The following SLC27A1 variants were observed in gnomAD, a reference collection of about 807,000 sequenced individuals.
SLC27A1 encodes the protein solute carrier family 27 member 1.
In SLC27A1, 61 loss-of-function variants were observed where a neutral mutation model predicts 62.2. That is an observed-to-expected ratio of 0.98 (90% CI 0.80 to 1.21). SLC27A1 has a LOEUF of 1.21. Ranked by LOEUF, SLC27A1 falls within the 50% of genes most tolerant of loss-of-function variation. The probability of loss-of-function intolerance (pLI) is 0.00; values close to 1 mark genes in which losing one functional copy is unlikely to be tolerated. For synonymous variants in SLC27A1, 435 were observed against 408.6 expected (o/e 1.06, Z -0.78); for missense variants, 903 against 932.1 (o/e 0.97, Z 0.41).
chr19:17,470,621 C>CT lies in SLC27A1; in HGVS notation c.81_82insT (p.Ala28CysfsTer150). 1.3e-6 allele frequency: 2 copies of CT among 1,571,494 alleles called. No individual in the cohort carries two copies. Among genetic ancestry groups the CT allele is most frequent in the Non-Finnish European group, 1.7e-6 (2 of 1,166,554 alleles). Reference sequence around the variant, plus strand: ...TGCTGGGGCTGCCGTGGACCTGGAGCGCGGCAGCGGCGCTCGGCGTGTACG... The same window carrying CT: ...TGCTGGGGCTGCCGTGGACCTGGAGCTGCGGCAGCGGCGCTCGGCGTGTACG... On this transcript the variant is annotated frameshift_variant, in exon 1 of 12. Transcript: ENST00000252595. LOFTEE classifies it high-confidence loss of function.
At chr19:17,500,914 T>G (rs1599674893) in intron 10 of SLC27A1, 38 bp downstream of exon 10, 1 of 1,557,404 alleles carries the variant, frequency 6.4e-7, no homozygotes, top group Non-Finnish European at 8.6e-7. Context: ...TGAGGCATGG[T>G]CCTGAGGGAG....
chr19:17,477,240 C>CTGTTTT (rs2075132259), intron 1 of SLC27A1, among the ~76,000 whole-genome samples: 1 of 43,816 alleles, frequency 2.3e-5, no homozygotes, highest in Non-Finnish European at 4.0e-5. Flanking sequence ...ATGAGCAGCG[C>CTGTTTT]TTTTTTTTTT....
intron 1 of SLC27A1, 89 bp downstream of exon 1, chr19:17,470,796 T>A (rs1480119122): frequency 5.4e-6 from 5 of 919,184 alleles, no homozygotes; most frequent in African/African-American, 5.7e-5. Context: ...GGGGACGGCT[T>A]GGAGGGTCCG....
Position 17,486,947 on chromosome 19 carries a change from A to G in SLC27A1, c.552A>G (p.Glu184=), listed in dbSNP as rs774223245. Reference sequence around the variant, plus strand: ...CTAAGGCCCTGATCTTTGGAGGAGAAATGGTGGCGGGTGAGGCCAGGCGTG... The same window carrying G: ...CTAAGGCCCTGATCTTTGGAGGAGAGATGGTGGCGGGTGAGGCCAGGCGTG... ...SGAKALIFGG[E]MVAAVAEVSG... The change falls in exon 2 of 12, where the codon GAA becomes GAG. Residue 184 remains glutamate (E), a synonymous_variant. Coordinates refer to ENST00000252595, the MANE Select transcript of SLC27A1 (RefSeq NM_198580.3). This position sits in a 1 kb window ranked among gnomAD's most constrained non-coding sequence, Gnocchi z 6.6. 1 of 1,577,710 alleles carries G rather than the reference A, an allele frequency of 6.3e-7. No homozygotes were observed. The highest frequency in any genetic ancestry group is 1.1e-5 in the South Asian group (1 of 87,796).
In SLC27A1 at chr19:17,501,129, ATGTG is replaced by A. The variant is rs2075407840; in HGVS notation, c.1637-141_1637-138del. On this transcript the variant is annotated intron_variant, in intron 10 of 11. Coordinates refer to ENST00000252595, the MANE Select transcript of SLC27A1 (RefSeq NM_198580.3). ...ATGAGCCAAGCAGGAGCTCCACAAA[ATGTG>A]TGGCTGCTTCCATAAATGTCATCCC... 1.4e-5 allele frequency: 18 copies of A among 1,282,990 alleles called. No homozygotes were observed. In the South Asian group the frequency reaches 2.6e-4, roughly 19 times the overall value. The allele number at this position is 1,282,990 out of a possible 1,614,324, so 79.5% of individuals were successfully genotyped here. A position where few individuals can be genotyped will look rare whatever the true frequency, so the allele number is the denominator to read the frequency against.
chr19:17,500,312 C>CGGCA lies in SLC27A1; in HGVS notation c.1241_1242insGGCA (p.His415AlafsTer13), dbSNP rs764591019. On this transcript the variant is annotated frameshift_variant, in exon 8 of 12. Coordinates refer to ENST00000252595, the MANE Select transcript of SLC27A1 (RefSeq NM_198580.3). LOFTEE classifies it high-confidence loss of function. ...TGTGGTTTCAACAGCCGCATCCTGC[C>CGGCA]CCACGTGTACCCCATCCGGCTGGTG... is the stretch of plus-strand genomic sequence containing the variant. The CGGCA allele has an allele frequency of 1.9e-6, 3 of 1,614,224 alleles. No individual in the cohort carries two copies. The highest frequency in any genetic ancestry group is 2.5e-6 in the Non-Finnish European group (3 of 1,180,034).
At chr19:17,475,066 C>A (rs1022287654) in intron 1 of SLC27A1, among the ~76,000 whole-genome samples, 2 of 152,014 alleles carry the variant, frequency 1.3e-5, no homozygotes, top group African/African-American at 4.8e-5. Context: ...AGGTGCCTGC[C>A]ACCACACCCG....
chr19:17,487,091 C>G, intron 2 of SLC27A1, 83 bp from the exon 3 acceptor site: 1 of 1,596,816 alleles, frequency 6.3e-7, no homozygotes, highest in Non-Finnish European at 8.5e-7. Flanking sequence ...CTGGGTATGC[C>G]CCGGGCAGGG....
At chr19:17,499,574 G>C (rs2144614944) in intron 7 of SLC27A1, among the ~76,000 whole-genome samples, 1 of 151,922 alleles carries the variant, frequency 6.6e-6, no homozygotes, top group South Asian at 2.1e-4. Flanking sequence ...GGGAGGCTGA[G>C]GTGGGTGGAT....
intron 4 of SLC27A1, among the ~76,000 whole-genome samples, chr19:17,487,942 C>G (rs1373704306): frequency 2.0e-5 from 3 of 152,042 alleles, no homozygotes; most frequent in African/African-American, 7.2e-5. Context: ...CTCCTGCTCC[C>G]CCCACTCTCT....
chr19:17,476,611 C>A (rs1009356235), intron 1 of SLC27A1, among the ~76,000 whole-genome samples: 1 of 151,684 alleles, frequency 6.6e-6, no homozygotes, highest in Non-Finnish European at 1.5e-5. Flanking sequence ...GGCACTTGGC[C>A]TGCCACTGGC....
At chr19:17,502,872 A>G (rs2075432715) in intron 11 of SLC27A1, among the ~76,000 whole-genome samples, 1 of 152,100 alleles carries the variant, frequency 6.6e-6, no homozygotes, top group Admixed American at 6.6e-5. Context: ...TTTTTTGTAG[A>G]GATGGGGTCT....
chr19:17,490,690 T>C (rs1031594942), intron 6 of SLC27A1, among the ~76,000 whole-genome samples: 5 of 152,120 alleles, frequency 3.3e-5, no homozygotes, highest in Admixed American at 1.3e-4. Flanking sequence ...TGAGTACTTG[T>C]TTTTTCAAAT....
Position 17,486,557 on chromosome 19 carries a change from T to C in SLC27A1, c.168-6T>C. The stretch of plus-strand genomic sequence containing the variant: ...GTGACGCTGTCCCCTCCGTCCTCCC[T>C]CCCAGCGGTCTCTCTGTGCTGATCC... On this transcript the variant is annotated splice_polypyrimidine_tract_variant and splice_region_variant and intron_variant, in intron 1 of 11. Transcript: ENST00000252595. This position sits in a 1 kb window ranked among gnomAD's most constrained non-coding sequence, Gnocchi z 6.6. The C allele has an allele frequency of 6.4e-7, 1 of 1,572,836 alleles. No individual in the cohort carries two copies. Among genetic ancestry groups the C allele is most frequent in the East Asian group, 2.3e-5 (1 of 43,160 alleles).
rs1195178691 is a variant in SLC27A1 at position 17,500,644 on chromosome 19, G to C, written c.1471+12G>C. On this transcript the variant is annotated intron_variant, in intron 9 of 11. Coordinates refer to ENST00000252595, the MANE Select transcript of SLC27A1 (RefSeq NM_198580.3). ...CGCCTACCTCTCAGGTGCGCAGCCT[G>C]CTAGGCCCCGGTGACTGGCTGTGCG... The C allele has an allele frequency of 6.2e-7, 1 of 1,613,754 alleles. No homozygotes were observed. The highest frequency in any genetic ancestry group is 8.5e-7 in the Non-Finnish European group (1 of 1,179,982).
chr19:17,475,380 G>A (rs963052586), intron 1 of SLC27A1, among the ~76,000 whole-genome samples: 34 of 152,014 alleles, frequency 2.2e-4, no homozygotes, highest in African/African-American at 7.2e-4. Flanking sequence ...ATCTCTACAC[G>A]CAAAAAATTA....
chr19:17,501,384 T>C lies in SLC27A1; in HGVS notation c.1748T>C (p.Ile583Thr), dbSNP rs369864347. The change falls in exon 11 of 12, where the codon ATC becomes ACC. Residue 583 changes from isoleucine (I) to threonine (T), a missense_variant. Physicochemically the swap from Ile to Thr is moderately conservative, Grantham distance 89. Transcript: ENST00000252595. ...GTGCTGGCACCCTATGCCCGGCCCA[T>C]CTTCCTGCGCCTCCTGCCCCAGGTG... ...QKVLAPYARPIFLRLLPQVDT... is the reference protein window; with the variant it reads ...QKVLAPYARPTFLRLLPQVDT... 1 of 1,613,820 alleles carries C rather than the reference T, an allele frequency of 6.2e-7. No individual in the cohort carries two copies. The highest frequency in any genetic ancestry group is 8.5e-7 in the Non-Finnish European group (1 of 1,179,936).
In SLC27A1 at chr19:17,483,057, C is replaced by T. The variant is rs557561317; in HGVS notation, c.168-3506C>T. Among the ~76,000 whole-genome samples, 410 of 140,758 alleles carry T rather than the reference C, an allele frequency of 2.9e-3. 1 individual carries two copies. The highest frequency in any genetic ancestry group is 9.0e-3 in the African/African-American group (296 of 33,038). 92.3% of individuals were successfully genotyped at this position (140,758 alleles called of 152,430 possible). ...GTGAAGGAGGGAATGAATGAGGGAA[C>T]GAGTGAAGGAGGGAATGAATGAATG... On this transcript the variant is annotated intron_variant, in intron 1 of 11. Transcript: ENST00000252595.
At chr19:17,503,274 C>T (rs2075436544) in intron 11 of SLC27A1, among the ~76,000 whole-genome samples, 1 of 152,080 alleles carries the variant, frequency 6.6e-6, no homozygotes, top group Non-Finnish European at 1.5e-5. Flanking sequence ...CACTGTGTTG[C>T]CCAGGCTGGT....
Sources: allele counts gnomAD v4.1 joint callset (sites outside exome capture counted in the v4.1 genomes callset), GRCh38; gene constraint gnomAD v4.1.1; non-coding constraint Gnocchi (gnomAD v3.1); transcripts MANE v1.5; gene names NCBI Gene and HGNC (gene_info 2026-07-23, HGNC 2026-07-21).